UQCRH: variants seen among roughly 807,000 people sequenced by gnomAD.
UQCRH encodes the protein ubiquinol-cytochrome c reductase hinge protein.
A neutral mutation model predicts 16.3 loss-of-function variants in UQCRH; 14 were observed. The observed-to-expected ratio is 0.86, with a 90% CI of 0.57 to 1.34. The LOEUF (loss-of-function observed/expected upper bound fraction) is 1.34, where lower values mean the gene tolerates loss of function less well. Among genes scored for constraint, UQCRH ranks in the 40% most tolerant of loss-of-function variants. The pLI is 0.00. For synonymous variants in UQCRH, 41 were observed against 41.9 expected, an observed-to-expected ratio of 0.98 and a Z score of 0.08; for missense variants, 89 against 111.9, an observed-to-expected ratio of 0.80 and a Z score of 0.92.
intron 3 of UQCRH, among the ~76,000 whole-genome samples, chr1:46,311,097 AATAAT>A (rs1661464880): frequency 6.6e-6 from 1 of 151,532 alleles, no homozygotes; most frequent in South Asian, 2.1e-4. Context: ...AAATAATAAT[AATAAT>A]AATCTTGCCT....
At chr1:46,303,860 G>A in intron 1 of UQCRH, 40 bp downstream of exon 1, 1 of 1,613,890 alleles carries the variant, frequency 6.2e-7, no homozygotes, top group Non-Finnish European at 8.5e-7. Context: ...TCTCTGCCCT[G>A]AAGCCCAGGA....
intron 3 of UQCRH, among the ~76,000 whole-genome samples, chr1:46,314,890 A>G (rs962154075): frequency 2.6e-5 from 4 of 152,222 alleles, no homozygotes; most frequent in Non-Finnish European, 5.9e-5. Context: ...TTTAATGGAT[A>G]TAGTTTTGAT....
chr1:46,310,088 A>G, intron 2 of UQCRH, 67 bp from the exon 3 acceptor site: 2 of 1,605,742 alleles, frequency 1.2e-6, no homozygotes, highest in Non-Finnish European at 1.7e-6. Flanking sequence ...GTGTTAATCA[A>G]AGCATATGTG....
intron 1 of UQCRH, among the ~76,000 whole-genome samples, chr1:46,307,293 C>T (rs1271320407): frequency 2.0e-5 from 3 of 152,188 alleles, no homozygotes; most frequent in African/African-American, 4.8e-5. Flanking sequence ...GATCTGGCCA[C>T]CTCAGCCTCC....
At chr1:46,314,669 G>C (rs1481102360) in intron 3 of UQCRH, among the ~76,000 whole-genome samples, 1 of 140,196 alleles carries the variant, frequency 7.1e-6, no homozygotes, top group East Asian at 2.1e-4. Flanking sequence ...GCAAAACTCC[G>C]TCTCAAAAAA....
At chr1:46,315,897 T>C (rs1405467320) in intron 3 of UQCRH, among the ~76,000 whole-genome samples, 2 of 152,184 alleles carry the variant, frequency 1.3e-5, no homozygotes, top group Non-Finnish European at 2.9e-5. Flanking sequence ...TATTTACATA[T>C]ATTTGTCAGC....
At position 46,310,326 on chromosome 1, in the gene UQCRH, T is replaced by G. The variant is rs1260192416; in HGVS notation, c.243+10T>G. ...TGCGAGGGACCATTGCGTAAGTCAG[T>G]GGGAAGTCAGGAAGGGGAAAGGTTG... On this transcript the variant is annotated intron_variant, in intron 3 of 3. Coordinates refer to ENST00000311672, the MANE Select transcript of UQCRH (RefSeq NM_006004.4). The G allele has an allele frequency of 6.2e-7, 1 of 1,613,800 alleles. No individual in the cohort carries two copies. The highest frequency in any genetic ancestry group is 1.3e-5 in the African/African-American group (1 of 74,852).
At chr1:46,304,666 T>A (rs894553896) in intron 1 of UQCRH, among the ~76,000 whole-genome samples, 12 of 152,286 alleles carry the variant, frequency 7.9e-5, no homozygotes, top group Non-Finnish European at 1.6e-4. Context: ...ATTACAGGCG[T>A]GAGCCACCGC....
chr1:46,310,421 C>A, intron 3 of UQCRH, 105 bp downstream of exon 3: 2 of 1,532,914 alleles, frequency 1.3e-6, no homozygotes, highest in South Asian at 2.4e-5. Flanking sequence ...TTACTCTGGG[C>A]CCAATATATG....
At chr1:46,308,069 A>G (rs547630975) in intron 1 of UQCRH, among the ~76,000 whole-genome samples, 2 of 152,334 alleles carry the variant, frequency 1.3e-5, no homozygotes, top group South Asian at 4.1e-4. Context: ...GATTAATTAA[A>G]TCATAAGAGA....
At chr1:46,304,456 G>A (rs1661324171) in intron 1 of UQCRH, among the ~76,000 whole-genome samples, 1 of 151,382 alleles carries the variant, frequency 6.6e-6, no homozygotes, top group Non-Finnish European at 1.5e-5. Flanking sequence ...CGTGGTCTCG[G>A]CTCGCTGCAA....
intron 2 of UQCRH, chr1:46,309,685 AAAG>A (rs1324906034): frequency 4.3e-6 from 1 of 231,756 alleles, no homozygotes; most frequent in Non-Finnish European, 7.6e-6. Context: ...AAAAAAAAAA[AAAG>A]AACTCTGAAG....
intron 3 of UQCRH, among the ~76,000 whole-genome samples, chr1:46,315,375 C>T (rs1661564364): frequency 6.6e-6 from 1 of 151,822 alleles, no homozygotes; most frequent in Admixed American, 6.6e-5. Context: ...ACCTGGGAGG[C>T]AGAGGTTGCG....
intron 3 of UQCRH, among the ~76,000 whole-genome samples, chr1:46,314,409 G>T (rs1469394366): frequency 6.6e-6 from 1 of 151,410 alleles, no homozygotes; most frequent in African/African-American, 2.4e-5. Flanking sequence ...AGCAGCTCAT[G>T]CCTGTAATCC....
intron 1 of UQCRH, among the ~76,000 whole-genome samples, chr1:46,307,618 TGAA>T (rs1162510632): frequency 6.6e-6 from 1 of 152,182 alleles, no homozygotes; most frequent in African/African-American, 2.4e-5. Flanking sequence ...CTACTATCCT[TGAA>T]GAAGAAGGAA....
At chr1:46,310,828 G>A (rs945355109) in intron 3 of UQCRH, among the ~76,000 whole-genome samples, 11 of 152,024 alleles carry the variant, frequency 7.2e-5, no homozygotes, top group Non-Finnish European at 1.3e-4. Flanking sequence ...AGCACTTTGG[G>A]AGGCCGAGGC....
chr1:46,309,077 A>G (rs762335358), intron 1 of UQCRH, 24 bp from the exon 2 acceptor site: 9 of 1,613,332 alleles, frequency 5.6e-6, no homozygotes, highest in African/African-American at 1.3e-5. Flanking sequence ...TGCTGCTGAC[A>G]TTAATTTTGT....
chr1:46,311,376 G>T (rs1397572592), intron 3 of UQCRH, among the ~76,000 whole-genome samples: 1 of 150,500 alleles, frequency 6.6e-6, no homozygotes, highest in Non-Finnish European at 1.5e-5. Flanking sequence ...TCAGGAGATT[G>T]AGACCATCTT....
chr1:46,310,014 AGT>A (rs1661438460), intron 2 of UQCRH, 139 bp from the exon 3 acceptor site: 1 of 1,508,866 alleles, frequency 6.6e-7, no homozygotes, highest in Non-Finnish European at 8.9e-7. Flanking sequence ...TTCTGGCGGC[AGT>A]GTGGCTCTGC....
Sources: gnomAD v4.1 joint callset for allele counts (sites outside exome capture counted in the v4.1 genomes callset) on GRCh38, gnomAD v4.1.1 for gene constraint, MANE v1.5 for transcripts, NCBI Gene and HGNC (gene_info 2026-07-23, HGNC 2026-07-21) for gene names.